GPR39: variants seen among roughly 807,000 people sequenced by gnomAD.
The protein encoded by GPR39 is G protein-coupled receptor 39, also known as zinc sensing receptor.
Under a neutral mutation model 18.4 loss-of-function variants are expected in GPR39, and 23 were observed. The observed-to-expected ratio is 1.25, with a 90% CI of 0.90 to 1.77. GPR39 has a LOEUF of 1.77. GPR39 is among the 40% of genes most tolerant of loss of function. The pLI is 0.00. For synonymous variants in GPR39, 280 were observed against 257.9 expected, an observed-to-expected ratio of 1.09 and a Z score of -0.82; for missense variants, 647 against 602.4, an observed-to-expected ratio of 1.07 and a Z score of -0.78.
At chr2:132,585,381 G>A (rs1160322943) in intron 1 of GPR39, among the ~76,000 whole-genome samples, 1 of 152,118 alleles carries the variant, frequency 6.6e-6, no homozygotes, top group Non-Finnish European at 1.5e-5. Flanking sequence ...CCCACAAGGT[G>A]TCCCTCTGCC....
intron 1 of GPR39, among the ~76,000 whole-genome samples, chr2:132,622,794 G>A (rs1195976044): frequency 6.6e-6 from 1 of 152,166 alleles, no homozygotes; most frequent in African/African-American, 2.4e-5. Flanking sequence ...AGGTTGAAAA[G>A]TGAGCCACAT....
chr2:132,417,605 G>T lies in GPR39; in HGVS notation c.563G>T (p.Gly188Val). ...CTGGTGAACGTGCCCAGCCACCGGG[G>T]TCTCACTTGCAACCGCTCCAGCACC... ...YPLVNVPSHR[G>V]LTCNRSSTRH... Residue 188 changes from glycine (G) to valine (V), a missense_variant, in exon 1 of 2, where the codon GGT becomes GTT. Gly to Val is a moderately radical substitution (Grantham distance 109). This residue lies in a region of GPR39 where 581 missense variants were observed against 506.8 expected (regional missense o/e 1.15). Coordinates refer to ENST00000329321, the MANE Select transcript of GPR39 (RefSeq NM_001508.3). The T allele has an allele frequency of 1.2e-6, 2 of 1,614,070 alleles. No homozygotes were observed. Among genetic ancestry groups the T allele is most frequent in the Non-Finnish European group, 1.7e-6 (2 of 1,180,006 alleles).
chr2:132,598,935 G>A (rs1487254324), intron 1 of GPR39, among the ~76,000 whole-genome samples: 1 of 151,934 alleles, frequency 6.6e-6, no homozygotes, highest in African/African-American at 2.4e-5. Flanking sequence ...AGAAAGGGAT[G>A]AGCTGCTGGA....
At position 132,539,870 on chromosome 2, in the gene GPR39, G is replaced by T. The variant is rs561170108; in HGVS notation, c.857-105231G>T. ...ATGGGCAATGCTGTGACTACCTTTAGAAAATACGGTTCACATAGGAGGTTT... is the reference window on the plus strand; with the variant it reads ...ATGGGCAATGCTGTGACTACCTTTATAAAATACGGTTCACATAGGAGGTTT... On this transcript the variant is annotated intron_variant, in intron 1 of 1. Transcript: ENST00000329321. 5.9e-5 allele frequency among the ~76,000 whole-genome samples: 9 copies of T among 152,294 alleles called. No individual in the cohort carries two copies. The East Asian group carries it at 1.2e-3, about 20-fold the overall frequency.
chr2:132,557,569 G>A (rs1040233474), intron 1 of GPR39, among the ~76,000 whole-genome samples: 1 of 145,752 alleles, frequency 6.9e-6, no homozygotes, highest in African/African-American at 2.6e-5. Context: ...TTTTGGTAGT[G>A]TAAGATTAGC....
intron 1 of GPR39, among the ~76,000 whole-genome samples, chr2:132,554,911 A>G (rs1680119475): frequency 6.6e-6 from 1 of 152,030 alleles, no homozygotes; most frequent in South Asian, 2.1e-4. Flanking sequence ...TGTACCGTTC[A>G]AACCCCACAC....
chr2:132,611,176 C>G (rs1289037835), intron 1 of GPR39, among the ~76,000 whole-genome samples: 12 of 152,240 alleles, frequency 7.9e-5, no homozygotes, highest in Non-Finnish European at 1.8e-4. Context: ...GGGGAGAACA[C>G]AGTGCAGGAA....
At chr2:132,580,452 T>G (rs945948867) in intron 1 of GPR39, among the ~76,000 whole-genome samples, 2 of 152,246 alleles carry the variant, frequency 1.3e-5, no homozygotes, top group African/African-American at 4.8e-5. Context: ...CACATGTTTC[T>G]GTTCTTAGGT....
chr2:132,541,639 G>T (rs1679863082), intron 1 of GPR39, among the ~76,000 whole-genome samples: 1 of 152,144 alleles, frequency 6.6e-6, no homozygotes, highest in Admixed American at 6.5e-5. Context: ...CACAGAGGAG[G>T]GTAGGATGAT....
intron 1 of GPR39, chr2:132,604,327 T>G (rs370636800): frequency 6.6e-6 from 1 of 152,204 alleles, no homozygotes; most frequent in African/African-American, 2.4e-5. Context: ...TTGTTTAAAC[T>G]ACCGAAGCTC....
In GPR39 at chr2:132,645,818, A is replaced by AC; in HGVS notation, c.*213dup. 1 of 694,462 alleles carries AC rather than the reference A, an allele frequency of 1.4e-6. No individual in the cohort carries two copies. Among genetic ancestry groups the AC allele is most frequent in the Non-Finnish European group, 2.3e-6 (1 of 429,240 alleles). 43.0% of individuals were successfully genotyped at this position (694,462 alleles called of 1,614,324 possible). A position where few individuals can be genotyped will look rare whatever the true frequency, so the allele number is the denominator to read the frequency against. On this transcript the variant is annotated 3_prime_UTR_variant, in exon 2 of 2. Coordinates refer to ENST00000329321, the MANE Select transcript of GPR39 (RefSeq NM_001508.3). ...TACACAGACATGGGGGTGAACTTTCACTCCACCTCCTTCCTTCAAGTACAT... is the reference window on the plus strand; with the variant it reads ...TACACAGACATGGGGGTGAACTTTCACCTCCACCTCCTTCCTTCAAGTACAT...
At chr2:132,612,088 A>AATGG (rs1681248228) in intron 1 of GPR39, among the ~76,000 whole-genome samples, 1 of 142,508 alleles carries the variant, frequency 7.0e-6, no homozygotes, top group African/African-American at 2.5e-5. Flanking sequence ...CCCTGAACTG[A>AATGG]GTTTTCTAAA....
At chr2:132,523,273 A>G (rs565064826) in intron 1 of GPR39, among the ~76,000 whole-genome samples, 1 of 152,370 alleles carries the variant, frequency 6.6e-6, no homozygotes, top group East Asian at 1.9e-4. Context: ...ATCTTTTGTC[A>G]CCATCGTTTC....
intron 1 of GPR39, among the ~76,000 whole-genome samples, chr2:132,641,649 A>T (rs769674343): frequency 2.6e-5 from 4 of 152,258 alleles, no homozygotes; most frequent in Non-Finnish European, 5.9e-5. Flanking sequence ...TTGAAATTAC[A>T]TGTGAAATAA....
chr2:132,558,762 T>G (rs1680197995), intron 1 of GPR39, among the ~76,000 whole-genome samples: 1 of 152,166 alleles, frequency 6.6e-6, no homozygotes, highest in Non-Finnish European at 1.5e-5. Flanking sequence ...TGACCAGCCA[T>G]GAATCCCAGA....
At chr2:132,514,927 C>T (rs1679305277) in intron 1 of GPR39, among the ~76,000 whole-genome samples, 1 of 152,220 alleles carries the variant, frequency 6.6e-6, no homozygotes, top group Non-Finnish European at 1.5e-5. Context: ...CCCATGGTCA[C>T]CCTACCAGCC....
intron 1 of GPR39, among the ~76,000 whole-genome samples, chr2:132,460,320 A>G (rs1471279793): frequency 6.6e-6 from 1 of 152,184 alleles, no homozygotes; most frequent in Non-Finnish European, 1.5e-5. Context: ...TGTAGTCCAC[A>G]GATGGACAAT....
intron 1 of GPR39, among the ~76,000 whole-genome samples, chr2:132,569,649 C>G (rs759802821): frequency 6.6e-6 from 1 of 151,798 alleles, no homozygotes; most frequent in South Asian, 2.1e-4. Context: ...GGGGTCCCAT[C>G]GTTCCCTAGA....
chr2:132,481,040 A>C (rs1681224384), intron 1 of GPR39, among the ~76,000 whole-genome samples: 1 of 152,176 alleles, frequency 6.6e-6, no homozygotes, highest in Non-Finnish European at 1.5e-5. Context: ...GGCTTTCTTT[A>C]CTGAAAAACA....
Sources: allele counts gnomAD v4.1 joint callset (sites outside exome capture counted in the v4.1 genomes callset), GRCh38; gene constraint gnomAD v4.1.1; regional missense constraint gnomAD v4.1.1; transcripts MANE v1.5; gene names NCBI Gene and HGNC (gene_info 2026-07-23, HGNC 2026-07-21).